UVRAG: variants seen among roughly 807,000 people sequenced by gnomAD.
UVRAG encodes UV radiation resistance associated.
A neutral mutation model predicts 78.0 loss-of-function variants in UVRAG; 19 were observed. The observed-to-expected ratio is 0.24, with a 90% CI of 0.17 to 0.36. UVRAG has a LOEUF of 0.36. UVRAG is among the 10% of genes least tolerant of loss of function. The probability of loss-of-function intolerance (pLI) is 1.00; values close to 1 mark genes in which losing one functional copy is unlikely to be tolerated. For synonymous variants in UVRAG, 323 were observed against 324.6 expected (o/e 1.00, Z 0.05); for missense variants, 740 against 853.8 (o/e 0.87, Z 1.66).
chr11:76,123,497 G>C (rs1295122467), intron 14 of UVRAG, among the ~76,000 whole-genome samples: 1 of 152,140 alleles, frequency 6.6e-6, no homozygotes, highest in Non-Finnish European at 1.5e-5. Context: ...TCCTGGAATG[G>C]CATGCTCTTT....
At chr11:76,076,695 G>T (rs1022601377) in intron 13 of UVRAG, among the ~76,000 whole-genome samples, 4 of 151,942 alleles carry the variant, frequency 2.6e-5, no homozygotes, top group Non-Finnish European at 4.4e-5. Context: ...TTTTCTAATG[G>T]CTAATGATGT....
At chr11:76,116,776 C>G (rs888462673) in intron 14 of UVRAG, among the ~76,000 whole-genome samples, 2 of 152,184 alleles carry the variant, frequency 1.3e-5, no homozygotes, top group Non-Finnish European at 2.9e-5. Context: ...GCTTCTGATT[C>G]CAGGTATTTT....
chr11:75,857,490 C>A lies in UVRAG; in HGVS notation c.236-4256C>A, dbSNP rs765524531. Among the ~76,000 whole-genome samples the A allele has an allele frequency of 9.0e-4, 135 of 150,778 alleles. 1 individual carries two copies. The highest frequency in any genetic ancestry group is 1.1e-3 in the South Asian group (5 of 4,734). On this transcript the variant is annotated intron_variant, in intron 2 of 14. Transcript: ENST00000356136. ...ACCTTCTTGCAGATCTTTCTTTTTC[C>A]CCCCCCCTTTTTTTTTTGAGATGGA...
Position 75,815,260 on chromosome 11 carries a change from A to AGCG in UVRAG, c.-139_-137dup, listed in dbSNP as rs1476289106. ...CGGCGGCAACGGCGGCAGCGGCGGC[A>AGCG]GCGGCGGCGGCTACTGTCTGGGCTG... On this transcript the variant is annotated 5_prime_UTR_variant, in exon 1 of 15. Coordinates refer to ENST00000356136, the MANE Select transcript of UVRAG (RefSeq NM_003369.4). The AGCG allele has an allele frequency of 8.6e-6, 4 of 466,816 alleles. No individual in the cohort carries two copies. Among genetic ancestry groups the AGCG allele is most frequent in the Non-Finnish European group, 1.1e-5 (3 of 275,950 alleles). The allele number at this position is 466,816 out of a possible 1,614,324, so 28.9% of individuals were successfully genotyped here. A position where few individuals can be genotyped will look rare whatever the true frequency, so the allele number is the denominator to read the frequency against.
chr11:76,011,426 C>A (rs529599374), intron 11 of UVRAG, among the ~76,000 whole-genome samples: 1 of 152,144 alleles, frequency 6.6e-6, no homozygotes, highest in East Asian at 1.9e-4. Context: ...GAGTTTGAGA[C>A]CAGCCTGACC....
intron 6 of UVRAG, among the ~76,000 whole-genome samples, chr11:75,934,204 T>C (rs1041864097): frequency 6.6e-6 from 1 of 152,194 alleles, no homozygotes; most frequent in Non-Finnish European, 1.5e-5. Flanking sequence ...TGGATGGAAC[T>C]GGAGGTCATA....
chr11:75,903,453 G>A (rs183566769), intron 5 of UVRAG, among the ~76,000 whole-genome samples: 29 of 152,164 alleles, frequency 1.9e-4, no homozygotes, highest in Admixed American at 7.8e-4. Context: ...TAATTTCCAC[G>A]TCACTGAAGC....
chr11:76,137,253 G>A, intron 14 of UVRAG: 1 of 448,268 alleles, frequency 2.2e-6, no homozygotes. Context: ...ACTGCGGGCA[G>A]GGGCACTGAT....
At chr11:75,975,896 A>G (rs1013329689) in intron 7 of UVRAG, among the ~76,000 whole-genome samples, 1 of 152,188 alleles carries the variant, frequency 6.6e-6, no homozygotes, top group African/African-American at 2.4e-5. Flanking sequence ...AGAACTTCCA[A>G]CACTGTGTTG....
In UVRAG at chr11:76,141,084, G is replaced by A. The variant is rs375334287; in HGVS notation, c.1771G>A (p.Gly591Arg). 18 of 1,614,018 alleles carry A rather than the reference G, an allele frequency of 1.1e-5. No individual in the cohort carries two copies. The highest frequency in any genetic ancestry group is 1.0e-4 in the Admixed American group (6 of 60,006). The change falls in exon 15 of 15, where the codon GGG (glycine) becomes AGG (arginine). Residue 591 changes from glycine (G) to arginine (R), a missense_variant. Coordinates refer to ENST00000356136, the MANE Select transcript of UVRAG (RefSeq NM_003369.4). ...PSQEQGEALS[G>R]HRATVNGTLL... ...CCAAGAACAAGGAGAAGCCCTCTCC[G>A]GGCACCGGGCCACAGTCAATGGCAC...
chr11:75,850,388 G>A (rs1291145611), intron 1 of UVRAG, among the ~76,000 whole-genome samples: 1 of 152,160 alleles, frequency 6.6e-6, no homozygotes, highest in African/African-American at 2.4e-5. Flanking sequence ...TCTACCATCA[G>A]CAAATGCATG....
At chr11:75,836,116 A>C (rs1473418126) in intron 1 of UVRAG, among the ~76,000 whole-genome samples, 1 of 151,784 alleles carries the variant, frequency 6.6e-6, no homozygotes, top group African/African-American at 2.4e-5. Context: ...AAACAAAAAA[A>C]CCCACCTTCA....
intron 13 of UVRAG, among the ~76,000 whole-genome samples, chr11:76,065,998 T>C (rs557065509): frequency 6.6e-6 from 1 of 152,362 alleles, no homozygotes; most frequent in Non-Finnish European, 1.5e-5. Context: ...ATTGGAATCC[T>C]CTTGCTACTT....
At chr11:76,050,483 G>A (rs761152038) in intron 12 of UVRAG, among the ~76,000 whole-genome samples, 3 of 152,100 alleles carry the variant, frequency 2.0e-5, no homozygotes, top group South Asian at 2.1e-4. Flanking sequence ...AGGAAATTGC[G>A]TTTTAATTCA....
intron 3 of UVRAG, among the ~76,000 whole-genome samples, chr11:75,862,121 A>T (rs1044703511): frequency 6.6e-6 from 1 of 152,232 alleles, no homozygotes; most frequent in African/African-American, 2.4e-5. Flanking sequence ...TATTTACTGA[A>T]TGAACTGATT....
chr11:75,982,626 C>T (rs1030599062), intron 7 of UVRAG, among the ~76,000 whole-genome samples: 2 of 152,152 alleles, frequency 1.3e-5, no homozygotes, highest in Non-Finnish European at 2.9e-5. Context: ...AAACCTCAGG[C>T]CTCTGCTTGG....
intron 1 of UVRAG, among the ~76,000 whole-genome samples, chr11:75,835,777 T>A (rs544900798): frequency 6.6e-6 from 1 of 152,194 alleles, no homozygotes; most frequent in African/African-American, 2.4e-5. Context: ...CACAAAAGTA[T>A]AACAGATCTC....
chr11:76,052,604 G>A (rs1409015393), intron 12 of UVRAG, among the ~76,000 whole-genome samples: 2 of 152,188 alleles, frequency 1.3e-5, no homozygotes, highest in African/African-American at 4.8e-5. Context: ...TCCAGTAGAC[G>A]TTTAATTTTG....
chr11:76,026,611 A>G (rs1950330780), intron 12 of UVRAG, among the ~76,000 whole-genome samples: 2 of 151,990 alleles, frequency 1.3e-5, no homozygotes, highest in South Asian at 2.1e-4. Context: ...TTTCATCTTC[A>G]TTTTATTGTA....
Sources: allele counts gnomAD v4.1 joint callset (sites outside exome capture counted in the v4.1 genomes callset), GRCh38; gene constraint gnomAD v4.1.1; transcripts MANE v1.5; gene names NCBI Gene and HGNC (gene_info 2026-07-23, HGNC 2026-07-21).